Variants in RTN4R observed in about 807,000 individuals in gnomAD.
RTN4R encodes reticulon-4 receptor.
RTN4R carries 4 observed loss-of-function variants against 27.7 expected under a neutral mutation model. The observed-to-expected ratio is 0.14, with a 90% confidence interval of 0.07 to 0.33. The LOEUF (loss-of-function observed/expected upper bound fraction) is 0.33, where lower values mean the gene tolerates loss of function less well. RTN4R is among the 10% of genes least tolerant of loss of function. The pLI, the probability that RTN4R is intolerant of heterozygous loss-of-function variation, is 1.00. For missense variants in RTN4R, 554 were observed against 671.5 expected, an observed-to-expected ratio of 0.83 and a Z score of 1.93; for synonymous variants, 290 against 305.6, an observed-to-expected ratio of 0.95 and a Z score of 0.53.
chr22:20,264,623 T>C (rs2051266834), intron 1 of RTN4R, among the ~76,000 whole-genome samples: 1 of 152,220 alleles, frequency 6.6e-6, no homozygotes, highest in Admixed American at 6.5e-5. Context: ...AAATGCAGCA[T>C]CTGGGATCTG....
chr22:20,249,898 A>G (rs554512251), intron 1 of RTN4R, among the ~76,000 whole-genome samples: 4 of 152,196 alleles, frequency 2.6e-5, no homozygotes, highest in Non-Finnish European at 5.9e-5. Context: ...GCCTTGGATC[A>G]GCCTCAGTCA....
chr22:20,252,473 C>T (rs755052931), intron 1 of RTN4R, among the ~76,000 whole-genome samples: 5 of 152,198 alleles, frequency 3.3e-5, no homozygotes, highest in Non-Finnish European at 5.9e-5. Flanking sequence ...TCCCATTGTA[C>T]GGTGAGGGGG....
chr22:20,250,709 C>T (rs1168583625), intron 1 of RTN4R, among the ~76,000 whole-genome samples: 1 of 152,176 alleles, frequency 6.6e-6, no homozygotes, highest in Non-Finnish European at 1.5e-5. Flanking sequence ...CAGGTCAAAA[C>T]AGAAATGATC....
At chr22:20,261,521 G>C (rs1316848257) in intron 1 of RTN4R, among the ~76,000 whole-genome samples, 1 of 152,208 alleles carries the variant, frequency 6.6e-6, no homozygotes, top group Non-Finnish European at 1.5e-5. Context: ...GTGCGGACAG[G>C]GAGGCTCAGA....
Position 20,268,172 on chromosome 22 carries a change from T to G in RTN4R, c.-80A>C. On this transcript the variant is annotated 5_prime_UTR_variant, in exon 1 of 2. It removes an upstream start codon present in the reference 5' UTR. Transcript: ENST00000043402. ...CCGTCTCCCCGCGGCCGGGTCCGCA[T>G]CCAGGCGCCGCCGCTACGGCCCGGC... 1.4e-6 allele frequency: 1 copy of G among 735,758 alleles called. No individual in the cohort carries two copies. The highest frequency in any genetic ancestry group is 1.7e-6 in the Non-Finnish European group (1 of 579,392). 45.6% of individuals were successfully genotyped at this position (735,758 alleles called of 1,614,324 possible).
At position 20,242,553 on chromosome 22, in the gene RTN4R, G is replaced by A. The variant is rs1304463356; in HGVS notation, c.580C>T (p.Pro194Ser). The A allele has an allele frequency of 1.2e-6, 2 of 1,613,548 alleles. No homozygotes were observed. The highest frequency in any genetic ancestry group is 1.7e-6 in the Non-Finnish European group (2 of 1,179,980). Reference sequence around the variant, plus strand: ...TGCAGCCCACGGAAGGCGCGCTCGGGCACGCTGGAGATGCGGTTGCCGTGC... The same window carrying A: ...TGCAGCCCACGGAAGGCGCGCTCGGACACGCTGGAGATGCGGTTGCCGTGC... ...FLHGNRISSV[P>S]ERAFRGLHSL... The change falls in exon 2 of 2, where the codon CCC (proline) becomes TCC (serine). Residue 194 changes from proline to serine, a missense_variant. By Grantham distance (74) the Pro-to-Ser change is moderately conservative. Transcript: ENST00000043402.
chr22:20,246,461 G>A (rs1326934256), intron 1 of RTN4R, among the ~76,000 whole-genome samples: 16 of 151,780 alleles, frequency 1.1e-4, no homozygotes, highest in Middle Eastern at 3.4e-3. Flanking sequence ...GGAGGAGGTG[G>A]GAGGAGAGCG....
intron 1 of RTN4R, chr22:20,249,004 C>T (rs139526253): frequency 3.8e-4 from 167 of 436,820 alleles, no homozygotes; most frequent in African/African-American, 2.5e-3. Context: ...AGGCTCTGCC[C>T]AGTGGAGGCC....
At chr22:20,265,494 C>A (rs771578586) in intron 1 of RTN4R, among the ~76,000 whole-genome samples, 1 of 152,210 alleles carries the variant, frequency 6.6e-6, no homozygotes, top group Non-Finnish European at 1.5e-5. Flanking sequence ...TCACTCCATG[C>A]AAACCTACGT....
chr22:20,249,587 G>A (rs1002112284), intron 1 of RTN4R, among the ~76,000 whole-genome samples: 1 of 152,180 alleles, frequency 6.6e-6, no homozygotes, highest in East Asian at 1.9e-4. Context: ...CACGATAGGC[G>A]TGCATACCGG....
At chr22:20,252,946 C>A (rs979971214) in intron 1 of RTN4R, among the ~76,000 whole-genome samples, 4 of 152,176 alleles carry the variant, frequency 2.6e-5, no homozygotes, top group African/African-American at 9.7e-5. Context: ...CAGGCCCCCA[C>A]CCAGCATCCT....
intron 1 of RTN4R, among the ~76,000 whole-genome samples, chr22:20,264,439 C>T (rs1040670765): frequency 3.3e-5 from 5 of 152,218 alleles, no homozygotes; most frequent in African/African-American, 1.2e-4. Flanking sequence ...CCGCTCCGAT[C>T]GGGCTTCCCT....
chr22:20,255,643 C>T lies in RTN4R; in HGVS notation c.22+12428G>A, dbSNP rs2051207574. Among the ~76,000 whole-genome samples the T allele has an allele frequency of 6.6e-6, 1 of 152,068 alleles. No homozygotes were observed. Among genetic ancestry groups the T allele is most frequent in the Admixed American group, 6.5e-5 (1 of 15,282 alleles). ...CAGCCTCAGAGTTCCTGCCTGCCCA[C>T]CCAGCCCAGCCCTCACACTGTGATG... On this transcript the variant is annotated intron_variant, in intron 1 of 1. Transcript: ENST00000043402. This position sits in a 1 kb window ranked among gnomAD's most constrained non-coding sequence, Gnocchi z 4.8.
intron 1 of RTN4R, among the ~76,000 whole-genome samples, chr22:20,262,028 A>T (rs855053): frequency 6.6e-6 from 1 of 152,072 alleles, no homozygotes; most frequent in African/African-American, 2.4e-5. Flanking sequence ...GATGGTAGGC[A>T]GGGAGCCGGG....
chr22:20,261,440 T>G (rs1028488815), intron 1 of RTN4R, among the ~76,000 whole-genome samples: 1 of 152,118 alleles, frequency 6.6e-6, no homozygotes, highest in African/African-American at 2.4e-5. Context: ...CTTGCCCAAA[T>G]CAAGCTGCCA....
intron 1 of RTN4R, among the ~76,000 whole-genome samples, chr22:20,259,749 G>C (rs74933079): frequency 0.051 from 7,730 of 152,186 alleles, 634 homozygotes; most frequent in African/African-American, 0.18. Flanking sequence ...TTTCATGAGC[G>C]GTCAATGTGG....
intron 1 of RTN4R, chr22:20,243,388 G>A (rs1301153216): frequency 1.5e-6 from 1 of 680,478 alleles, no homozygotes; most frequent in East Asian, 2.9e-5. Context: ...AGCCCACTGG[G>A]TCACCAGGGG....
chr22:20,251,084 C>T (rs1208955071), intron 1 of RTN4R, among the ~76,000 whole-genome samples: 2 of 152,180 alleles, frequency 1.3e-5, no homozygotes, highest in African/African-American at 4.8e-5. Flanking sequence ...ACCTTGGAAC[C>T]CTGCAGAGGC....
At chr22:20,258,133 T>C (rs916798231) in intron 1 of RTN4R, among the ~76,000 whole-genome samples, 7 of 152,144 alleles carry the variant, frequency 4.6e-5, no homozygotes, top group Non-Finnish European at 7.4e-5. Flanking sequence ...CAAGGCCAAG[T>C]TGCAGCCAGG....
Sources: gnomAD v4.1 joint callset for allele counts (sites outside exome capture counted in the v4.1 genomes callset) on GRCh38, gnomAD v4.1.1 for gene constraint, Gnocchi (gnomAD v3.1) non-coding constraint, MANE v1.5 for transcripts, NCBI Gene and HGNC (gene_info 2026-07-23, HGNC 2026-07-21) for gene names.